Variants in ARHGAP22 observed in about 807,000 individuals in gnomAD.
ARHGAP22 encodes the protein rho GTPase-activating protein 22.
A neutral mutation model predicts 59.1 loss-of-function variants in ARHGAP22; 48 were observed. The ratio of observed to expected loss-of-function variants is 0.81; its 90% CI spans 0.64 to 1.03. The LOEUF is 1.03. Among genes scored for constraint, ARHGAP22 ranks in the 50% least tolerant of loss-of-function variants. The pLI is 0.00. For synonymous variants in ARHGAP22, 445 were observed against 416.4 expected, an observed-to-expected ratio of 1.07 and a Z score of -0.84; for missense variants, 1,015 against 958.7, an observed-to-expected ratio of 1.06 and a Z score of -0.78.
At chr10:48,444,893 G>GA (rs1410082900), downstream of ARHGAP22, 1 of 152,302 alleles carries the variant, frequency 6.6e-6, no homozygotes, top group East Asian at 1.9e-4. Context: ...CAACACCAGG[G>GA]AAAAATCCCA....
At chr10:48,498,611 G>A (rs1201578017) in intron 3 of ARHGAP22, among the ~76,000 whole-genome samples, 1 of 152,162 alleles carries the variant, frequency 6.6e-6, no homozygotes, top group Admixed American at 6.5e-5. Flanking sequence ...GCACACAATA[G>A]CACCTCTTGA....
At chr10:48,549,359 T>C (rs1181752847) in intron 3 of ARHGAP22, among the ~76,000 whole-genome samples, 1 of 152,104 alleles carries the variant, frequency 6.6e-6, no homozygotes, top group Non-Finnish European at 1.5e-5. Context: ...CTGCAGTCAC[T>C]TGGGGCTGGA....
At chr10:48,618,996 G>A (rs920041692) in intron 1 of ARHGAP22, among the ~76,000 whole-genome samples, 5 of 151,974 alleles carry the variant, frequency 3.3e-5, no homozygotes, top group Admixed American at 6.6e-5. Context: ...AACAAATTCA[G>A]TAAATTTGTA....
chr10:48,504,577 C>G (rs145579199), intron 3 of ARHGAP22, among the ~76,000 whole-genome samples: 3 of 152,286 alleles, frequency 2.0e-5, no homozygotes, highest in African/African-American at 4.8e-5. Flanking sequence ...CTTTCTTGCA[C>G]AGATCTGGTC....
At chr10:48,479,807 G>A (rs3888298) in intron 3 of ARHGAP22, 43 bp from the exon 4 acceptor site, 204,941 of 1,502,732 alleles carry the variant, frequency 0.14, 23,337 homozygotes, top group East Asian at 0.64. Flanking sequence ...GTCCCTGCCC[G>A]CAGCACACTC....
intron 1 of ARHGAP22, among the ~76,000 whole-genome samples, chr10:48,591,548 C>T (rs2059755149): frequency 6.6e-6 from 1 of 152,116 alleles, no homozygotes; most frequent in South Asian, 2.1e-4. Flanking sequence ...TAAGATACCG[C>T]ACTGTGTACC....
At chr10:48,585,152 G>A (rs1320469681) in intron 1 of ARHGAP22, among the ~76,000 whole-genome samples, 5 of 152,192 alleles carry the variant, frequency 3.3e-5, no homozygotes, top group Admixed American at 6.5e-5. Flanking sequence ...ACTTTGCAAT[G>A]TGTCTAGACT....
intron 3 of ARHGAP22, among the ~76,000 whole-genome samples, chr10:48,502,486 C>T (rs11101345): frequency 0.23 from 35,599 of 152,054 alleles, 7,256 homozygotes; most frequent in East Asian, 0.59. Context: ...TCCCACTGGG[C>T]TCCTGCTTGA....
intron 3 of ARHGAP22, among the ~76,000 whole-genome samples, chr10:48,541,767 C>T (rs2055963581): frequency 6.6e-6 from 1 of 152,210 alleles, no homozygotes; most frequent in South Asian, 2.1e-4. Flanking sequence ...AGGCACCTTC[C>T]AGTTGGCATC....
At chr10:48,603,295 T>C (rs889087980) in intron 1 of ARHGAP22, among the ~76,000 whole-genome samples, 3 of 152,204 alleles carry the variant, frequency 2.0e-5, no homozygotes, top group Non-Finnish European at 2.9e-5. Context: ...ACTAGCACTG[T>C]CCAATAGAAA....
chr10:48,590,624 T>C (rs868458878), intron 1 of ARHGAP22, among the ~76,000 whole-genome samples: 2 of 152,334 alleles, frequency 1.3e-5, no homozygotes, highest in African/African-American at 4.8e-5. Flanking sequence ...AGGGTGCCCA[T>C]AAACCCTTGA....
chr10:48,648,382 T>C (rs906999750), intron 1 of ARHGAP22, among the ~76,000 whole-genome samples: 8 of 152,008 alleles, frequency 5.3e-5, no homozygotes, highest in African/African-American at 1.9e-4. Flanking sequence ...GGGGCAGTGA[T>C]TAGTGTGGGA....
At chr10:48,583,596 C>T (rs2059248825) in intron 1 of ARHGAP22, among the ~76,000 whole-genome samples, 2 of 152,168 alleles carry the variant, frequency 1.3e-5, no homozygotes, top group Admixed American at 1.3e-4. Flanking sequence ...TCTAGTTTTC[C>T]AGGGGACAAA....
chr10:48,558,340 G>GTTTTTTTTTGTT (rs1564880058), intron 2 of ARHGAP22, among the ~76,000 whole-genome samples: 1 of 149,220 alleles, frequency 6.7e-6, no homozygotes, highest in East Asian at 2.0e-4. Flanking sequence ...GCGATTTAAT[G>GTTTTTTTTTGTT]TTTTTTTTTT....
At chr10:48,552,288 G>T (rs892710098) in intron 3 of ARHGAP22, among the ~76,000 whole-genome samples, 1 of 152,266 alleles carries the variant, frequency 6.6e-6, no homozygotes. Flanking sequence ...GCATAGCCTG[G>T]AAGTGATCCG....
At chr10:48,433,787 A>G in the ARHGAP22 span, among the ~76,000 whole-genome samples, 189 of 152,338 alleles carry the variant, frequency 1.2e-3, no homozygotes, top group African/African-American at 4.3e-3. Flanking sequence ...TCTCAAATAC[A>G]GATGCTGGGT....
At chr10:48,444,620 C>CAT (rs1477178270), downstream of ARHGAP22, 4 of 152,186 alleles carry the variant, frequency 2.6e-5, no homozygotes, top group African/African-American at 9.6e-5. Flanking sequence ...ATGGGAAACC[C>CAT]ATTTCAGTCT....
intron 3 of ARHGAP22, among the ~76,000 whole-genome samples, chr10:48,504,416 G>T (rs1012998525): frequency 6.6e-6 from 1 of 152,190 alleles, no homozygotes; most frequent in Non-Finnish European, 1.5e-5. Flanking sequence ...CAAGGCCCCC[G>T]CTCTCCTGGA....
chr10:48,633,300 T>TG (rs1208369258), intron 1 of ARHGAP22, among the ~76,000 whole-genome samples: 7 of 152,228 alleles, frequency 4.6e-5, no homozygotes, highest in Admixed American at 2.0e-4. Flanking sequence ...AGGTTTGCAG[T>TG]GACTGCATGC....
Sources: allele counts gnomAD v4.1 joint callset (sites outside exome capture counted in the v4.1 genomes callset), GRCh38; gene constraint gnomAD v4.1.1; transcripts MANE v1.5; gene names NCBI Gene and HGNC (gene_info 2026-07-23, HGNC 2026-07-21).